The following PTK2B variants were observed in gnomAD, a reference collection of about 807,000 sequenced individuals.
PTK2B encodes the protein protein tyrosine kinase 2 beta, also known as protein-tyrosine kinase 2-beta.
PTK2B carries 71 observed loss-of-function variants against 142.9 expected under a neutral mutation model. That is an observed-to-expected ratio of 0.50 (90% CI 0.41 to 0.61). The LOEUF (loss-of-function observed/expected upper bound fraction) is 0.61, where lower values mean the gene tolerates loss of function less well. Ranked by LOEUF, PTK2B falls within the 20% of genes least tolerant of loss-of-function variation. The pLI, the probability that PTK2B is intolerant of heterozygous loss-of-function variation, is 0.00. For missense variants in PTK2B, 1,105 were observed against 1,320.4 expected (o/e 0.84, Z 2.53); for synonymous variants, 519 against 503.4 (o/e 1.03, Z -0.42).
intron 2 of PTK2B, among the ~76,000 whole-genome samples, chr8:27,413,557 G>A (rs1809198455): frequency 1.3e-5 from 2 of 152,202 alleles, no homozygotes; most frequent in Admixed American, 1.3e-4. Context: ...GACTAGATCA[G>A]GCCACAGACT....
intron 30 of PTK2B, 41 bp from the exon 31 acceptor site, chr8:27,458,253 C>G (rs754206964): frequency 4.4e-6 from 7 of 1,584,780 alleles, no homozygotes; most frequent in Non-Finnish European, 6.1e-6. Flanking sequence ...CAAGCACAGA[C>G]TTTGTGGCCT....
At chr8:27,438,257 G>T (rs1032519064) in intron 18 of PTK2B, among the ~76,000 whole-genome samples, 1 of 152,120 alleles carries the variant, frequency 6.6e-6, no homozygotes, top group Non-Finnish European at 1.5e-5. Flanking sequence ...CTGGAGCAGG[G>T]CCAAGAAGAT....
intron 1 of PTK2B, among the ~76,000 whole-genome samples, chr8:27,341,999 C>G (rs985733602): frequency 6.6e-6 from 1 of 152,134 alleles, no homozygotes; most frequent in Admixed American, 6.5e-5. Flanking sequence ...AAACTGGGCT[C>G]CAACTCCATA....
chr8:27,448,311 CGA>C (rs1216428267), intron 24 of PTK2B, among the ~76,000 whole-genome samples: 1 of 152,166 alleles, frequency 6.6e-6, no homozygotes, highest in Non-Finnish European at 1.5e-5. Context: ...TCACAACTTA[CGA>C]GAGTCATTTT....
At chr8:27,453,584 A>T (rs1202745916) in intron 28 of PTK2B, among the ~76,000 whole-genome samples, 1 of 152,200 alleles carries the variant, frequency 6.6e-6, no homozygotes. Context: ...AGGAGCTTTG[A>T]AACTCTCTGC....
At chr8:27,369,751 G>A (rs888066172) in intron 1 of PTK2B, among the ~76,000 whole-genome samples, 2 of 151,730 alleles carry the variant, frequency 1.3e-5, no homozygotes, top group African/African-American at 4.8e-5. Flanking sequence ...AAGGCAGGTG[G>A]ATCACCTGAG....
chr8:27,317,287 C>G (rs1230487929), intron 3 of PTK2B, among the ~76,000 whole-genome samples: 1 of 152,166 alleles, frequency 6.6e-6, no homozygotes, highest in African/African-American at 2.4e-5. Flanking sequence ...TTGATTTGAG[C>G]TAATCAGAAT....
At chr8:27,402,650 G>GC (rs796510810) in intron 2 of PTK2B, among the ~76,000 whole-genome samples, 4 of 152,308 alleles carry the variant, frequency 2.6e-5, no homozygotes, top group African/African-American at 9.6e-5. Context: ...TGTACTCCCT[G>GC]CTTTCGTAGG....
At chr8:27,404,126 C>G (rs2131538185) in intron 2 of PTK2B, among the ~76,000 whole-genome samples, 1 of 152,232 alleles carries the variant, frequency 6.6e-6, no homozygotes, top group South Asian at 2.1e-4. Context: ...GTGACAATGA[C>G]ACAATAATGA....
At chr8:27,379,657 A>C (rs1563234595) in intron 1 of PTK2B, among the ~76,000 whole-genome samples, 1 of 152,234 alleles carries the variant, frequency 6.6e-6, no homozygotes, top group Non-Finnish European at 1.5e-5. Flanking sequence ...GAATATGCCT[A>C]AGTAGTCTCC....
chr8:27,432,405 G>C, intron 10 of PTK2B, 44 bp downstream of exon 10: 3 of 1,574,666 alleles, frequency 1.9e-6, no homozygotes, highest in Non-Finnish European at 2.6e-6. Flanking sequence ...TCTGCAGGGG[G>C]TATAATGGCA....
At chr8:27,362,747 T>C (rs1805788612) in intron 1 of PTK2B, among the ~76,000 whole-genome samples, 1 of 152,138 alleles carries the variant, frequency 6.6e-6, no homozygotes, top group Non-Finnish European at 1.5e-5. Flanking sequence ...GAGAGACAGA[T>C]GCAGGCAAAG....
At chr8:27,324,921 T>C (rs1250051625), upstream of PTK2B, among the ~76,000 whole-genome samples, 2 of 152,198 alleles carry the variant, frequency 1.3e-5, no homozygotes. Context: ...GACCAGCCTC[T>C]GGGCGGGGCC....
At chr8:27,456,514 T>C (rs907007212) in intron 30 of PTK2B, among the ~76,000 whole-genome samples, 1 of 152,338 alleles carries the variant, frequency 6.6e-6, no homozygotes. Flanking sequence ...TGCATTTCCC[T>C]ATCCTCTCCT....
intron 1 of PTK2B, among the ~76,000 whole-genome samples, chr8:27,373,663 C>T (rs2130967958): frequency 6.6e-6 from 1 of 152,100 alleles, no homozygotes; most frequent in Middle Eastern, 3.4e-3. Context: ...GCCTGGGTGA[C>T]ACAGCAAGAC....
intron 1 of PTK2B, among the ~76,000 whole-genome samples, chr8:27,388,645 T>C (rs1232093182): frequency 1.3e-5 from 2 of 152,226 alleles, no homozygotes; most frequent in African/African-American, 4.8e-5. Flanking sequence ...GCCAATGGTG[T>C]CCATTTCTCC....
chr8:27,428,183 T>C (rs1361055035), intron 5 of PTK2B, among the ~76,000 whole-genome samples: 1 of 152,148 alleles, frequency 6.6e-6, no homozygotes, highest in Non-Finnish European at 1.5e-5. Context: ...TATGAGAATC[T>C]AATGTCACCA....
At chr8:27,345,477 G>A (rs1341757280) in intron 1 of PTK2B, among the ~76,000 whole-genome samples, 11 of 152,194 alleles carry the variant, frequency 7.2e-5, no homozygotes, top group African/African-American at 2.7e-4. Flanking sequence ...CTGGGGAATG[G>A]TGGGGCTGCT....
chr8:27,365,236 C>G (rs1196176309), intron 1 of PTK2B, among the ~76,000 whole-genome samples: 1 of 152,230 alleles, frequency 6.6e-6, no homozygotes, highest in Non-Finnish European at 1.5e-5. Flanking sequence ...ATGGCGATAT[C>G]TGTCTCCCCA....
Sources: allele counts gnomAD v4.1 joint callset (sites outside exome capture counted in the v4.1 genomes callset), GRCh38; gene constraint gnomAD v4.1.1; transcripts MANE v1.5; gene names NCBI Gene and HGNC (gene_info 2026-07-23, HGNC 2026-07-21).